The following PTPRS variants were observed in gnomAD, a reference collection of about 807,000 sequenced individuals.
PTPRS encodes the protein receptor-type tyrosine-protein phosphatase S.
A neutral mutation model predicts 215.3 loss-of-function variants in PTPRS; 63 were observed. The observed-to-expected ratio is 0.29, with a 90% CI of 0.24 to 0.36. The LOEUF (loss-of-function observed/expected upper bound fraction) is 0.36, where lower values mean the gene tolerates loss of function less well. Among genes scored for constraint, PTPRS ranks in the 10% least tolerant of loss-of-function variants. PTPRS has a pLI of 1.00. For synonymous variants in PTPRS, 1,404 were observed against 1,191.4 expected, an observed-to-expected ratio of 1.18 and a Z score of -3.68; for missense variants, 2,258 against 2,825.8, an observed-to-expected ratio of 0.80 and a Z score of 4.56.
intron 1 of PTPRS, among the ~76,000 whole-genome samples, chr19:5,319,436 A>G (rs1467485381): frequency 1.3e-5 from 2 of 149,484 alleles, no homozygotes; most frequent in African/African-American, 2.5e-5. Context: ...TTTTTTTTAA[A>G]AAGCTATCCC....
At position 5,239,043 on chromosome 19, in the gene PTPRS, C is replaced by G. The variant is rs754113026; in HGVS notation, c.1725G>C (p.Pro575=). 8.1e-6 allele frequency: 13 copies of G among 1,612,084 alleles called. No individual in the cohort carries two copies. The highest frequency in any genetic ancestry group is 1.1e-5 in the Non-Finnish European group (13 of 1,179,310). ...HGREVGRTFD[P]TTSYVVEDLK... ...GGTCCTCCACCACGTAGGAAGTCGTCGGGTCGAAGGTCCTTCCCACCTGGG... is the reference window on the plus strand; with the variant it reads ...GGTCCTCCACCACGTAGGAAGTCGTGGGGTCGAAGGTCCTTCCCACCTGGG... Residue 575 remains proline (P), a synonymous_variant, in exon 13 of 38, where the codon CCG becomes CCC. Transcript: ENST00000262963.
chr19:5,272,595 CAAAAAAAAAAAAAAAAAAAAAAAA>C (rs10527451), intron 4 of PTPRS, among the ~76,000 whole-genome samples: 107 of 73,448 alleles, frequency 1.5e-3, no homozygotes, highest in African/African-American at 4.6e-3. Context: ...AAGACTGTCT[CAAAAAAAAAAAAAAAAAAAAAAAA>C]AAAAAAAAAA....
rs951936842 is a variant in PTPRS at position 5,206,706 on chromosome 19, G to A, written c.*68C>T. The stretch of plus-strand genomic sequence containing the variant: ...CTGCCCACTGGGGGTCCAGGCCTCA[G>A]GAGGTCCGCCCGGGAGGGGCAGAGG... On this transcript the variant is annotated 3_prime_UTR_variant, in exon 38 of 38. Transcript: ENST00000262963. 1.4e-6 allele frequency: 2 copies of A among 1,447,884 alleles called. No homozygotes were observed. The highest frequency in any genetic ancestry group is 1.4e-5 in the African/African-American group (1 of 71,120). The allele number at this position is 1,447,884 out of a possible 1,614,324, so 89.7% of individuals were successfully genotyped here.
chr19:5,266,780 C>T (rs1568519064), intron 4 of PTPRS, among the ~76,000 whole-genome samples: 1 of 152,106 alleles, frequency 6.6e-6, no homozygotes, highest in African/African-American at 2.4e-5. Context: ...CTTCCCTCCT[C>T]TTTTTCTCTC....
At chr19:5,336,809 TG>T (rs1424380734) in intron 1 of PTPRS, among the ~76,000 whole-genome samples, 1 of 14,962 alleles carries the variant, frequency 6.7e-5, no homozygotes, top group East Asian at 1.6e-3. Flanking sequence ...CGGCGGGTGG[TG>T]GGGGGGAGGG....
chr19:5,329,970 C>G (rs754172226), intron 1 of PTPRS, among the ~76,000 whole-genome samples: 2 of 150,198 alleles, frequency 1.3e-5, no homozygotes, highest in Non-Finnish European at 3.0e-5. Flanking sequence ...ATCCCAGCTA[C>G]CTGGAAGGCT....
At position 5,223,293 on chromosome 19, in the gene PTPRS, C is replaced by A; in HGVS notation, c.2499G>T (p.Leu833=). The change falls in exon 18 of 38, where the codon CTG becomes CTT. Residue 833 remains leucine (L), a synonymous_variant. Coordinates refer to ENST00000262963, the MANE Select transcript of PTPRS (RefSeq NM_002850.4). ...PKVVVTKGAV[L]GRPTLSVQQT... The stretch of plus-strand genomic sequence containing the variant: ...GCTGCACCGACAGGGTTGGGCGGCC[C>A]AGCACTGCGGGGATACGGGGCAGGT... The A allele has an allele frequency of 6.8e-7, 1 of 1,460,802 alleles. No individual in the cohort carries two copies. Among genetic ancestry groups the A allele is most frequent in the Non-Finnish European group, 9.0e-7 (1 of 1,113,782 alleles). 90.5% of individuals were successfully genotyped at this position (1,460,802 alleles called of 1,614,324 possible).
Position 5,294,157 on chromosome 19 carries a change from G to C in PTPRS, c.-94-7923C>G, listed in dbSNP as rs2049051818. 6.6e-6 allele frequency: 1 copy of C among 152,304 alleles called. No homozygotes were observed. Among genetic ancestry groups the C allele is most frequent in the African/African-American group, 2.4e-5 (1 of 41,456 alleles). The allele number at this position is 152,304 out of a possible 1,614,324, so 9.4% of individuals were successfully genotyped here. ...CGCCTCTCTTCCCAGCATTCGCGCTGAGGACGAAGCCCGAACGCCAACGCC... is the reference window on the plus strand; with the variant it reads ...CGCCTCTCTTCCCAGCATTCGCGCTCAGGACGAAGCCCGAACGCCAACGCC... On this transcript the variant is annotated intron_variant, in intron 1 of 37. Coordinates refer to ENST00000262963, the MANE Select transcript of PTPRS (RefSeq NM_002850.4). This position sits in a 1 kb window ranked among gnomAD's most constrained non-coding sequence, Gnocchi z 5.1.
intron 1 of PTPRS, among the ~76,000 whole-genome samples, chr19:5,330,159 T>C (rs1330913930): frequency 1.3e-5 from 2 of 151,780 alleles, no homozygotes; most frequent in Non-Finnish European, 2.9e-5. Flanking sequence ...CTTCTGATCG[T>C]GGGCCCCCGA....
In PTPRS at chr19:5,220,389, G is replaced by T. The variant is rs761177032; in HGVS notation, c.3456-36C>A. ...ATGGGAAAGAGTCAGAGGGGCTGTC[G>T]ATAGGGATGACCAAGGGATGCTTCA... is the stretch of plus-strand genomic sequence containing the variant. On this transcript the variant is annotated intron_variant, in intron 20 of 37. Transcript: ENST00000262963. The T allele has an allele frequency of 2.6e-6, 4 of 1,549,474 alleles. No homozygotes were observed. In the African/African-American group the frequency reaches 4.1e-5, roughly 16 times the overall value.
chr19:5,248,565 C>G (rs946920017), intron 9 of PTPRS, among the ~76,000 whole-genome samples: 1 of 152,102 alleles, frequency 6.6e-6, no homozygotes, highest in African/African-American at 2.4e-5. Context: ...GTGGGAGCCT[C>G]GTGGACAAAA....
At chr19:5,330,136 C>G (rs1034881941) in intron 1 of PTPRS, among the ~76,000 whole-genome samples, 5 of 151,838 alleles carry the variant, frequency 3.3e-5, no homozygotes, top group African/African-American at 1.2e-4. Flanking sequence ...GAGCATCCAT[C>G]TAAATGCAGC....
intron 28 of PTPRS, among the ~76,000 whole-genome samples, 169 bp downstream of exon 28, chr19:5,215,120 G>C (rs2041301741): frequency 6.6e-6 from 1 of 152,262 alleles, no homozygotes. Context: ...ATGTTAGAGA[G>C]AGCAGCCATC....
At position 5,275,221 on chromosome 19, in the gene PTPRS, C is replaced by G. The variant is rs185069182; in HGVS notation, c.92-877G>C. ...GAGTAGCTGGGACTACAGGTGCCCA[C>G]CACCATGCCCGGCTAACTTTTTGTA... On this transcript the variant is annotated intron_variant, in intron 2 of 37. Transcript: ENST00000262963. Among the ~76,000 whole-genome samples, 100 of 151,870 alleles carry G rather than the reference C, an allele frequency of 6.6e-4. 1 individual carries two copies. Among genetic ancestry groups the G allele is most frequent in the African/African-American group, 2.3e-3 (96 of 41,432 alleles).
chr19:5,224,003 A>T (rs2042249635), intron 17 of PTPRS, among the ~76,000 whole-genome samples: 3 of 150,944 alleles, frequency 2.0e-5, no homozygotes, highest in African/African-American at 7.3e-5. Context: ...ACATGGTGAA[A>T]CCCTGTCTCT....
At chr19:5,317,333 G>A (rs150956433) in intron 1 of PTPRS, among the ~76,000 whole-genome samples, 42 of 152,272 alleles carry the variant, frequency 2.8e-4, no homozygotes, top group South Asian at 4.2e-4. Flanking sequence ...TTAGCCAGGC[G>A]TGGTGGCACG....
At chr19:5,336,900 C>A (rs1005791975) in intron 1 of PTPRS, among the ~76,000 whole-genome samples, 10 of 152,252 alleles carry the variant, frequency 6.6e-5, no homozygotes, top group Admixed American at 5.2e-4. Flanking sequence ...AGGCTTTGCC[C>A]GAGAAGGGTT....
chr19:5,327,213 G>A (rs949953550), intron 1 of PTPRS, among the ~76,000 whole-genome samples: 2 of 152,170 alleles, frequency 1.3e-5, no homozygotes, highest in East Asian at 1.9e-4. Context: ...CGGACACAGC[G>A]ACTCCCCAGC....
rs778395844 is a variant in PTPRS, at chr19:5,222,792, C to G, written c.3000G>C (p.Leu1000=). 1.7e-5 allele frequency: 27 copies of G among 1,598,454 alleles called. No homozygotes were observed. Among genetic ancestry groups the G allele is most frequent in the Non-Finnish European group, 2.0e-5 (24 of 1,178,586 alleles). Residue 1000 remains leucine, a synonymous_variant, in exon 18 of 38, where the codon CTG becomes CTC. Transcript: ENST00000262963. The part of the protein sequence containing the change: ...GAENALTLQG[L]KPDTAYDLQV... ...GGAGGTCATAGGCCGTGTCGGGCTT[C>G]AGGCCCTGCAGCGTGAGCGCGTTCT...
Sources: gnomAD v4.1 joint callset for allele counts (sites outside exome capture counted in the v4.1 genomes callset) on GRCh38, gnomAD v4.1.1 for gene constraint, Gnocchi (gnomAD v3.1) non-coding constraint, MANE v1.5 for transcripts, NCBI Gene and HGNC (gene_info 2026-07-23, HGNC 2026-07-21) for gene names.